The following MAOA variants were observed in gnomAD, a reference collection of about 807,000 sequenced individuals.
The protein encoded by MAOA is monoamine oxidase A.
A neutral mutation model predicts 42.0 loss-of-function variants in MAOA; 6 were observed. The ratio of observed to expected loss-of-function variants is 0.14; its 90% CI spans 0.08 to 0.28. The LOEUF (loss-of-function observed/expected upper bound fraction) is 0.28. Among genes scored for constraint, MAOA ranks in the 10% least tolerant of loss-of-function variants. The probability of loss-of-function intolerance (pLI) is 1.00; values close to 1 mark genes in which losing one functional copy is unlikely to be tolerated. For synonymous variants in MAOA, 140 were observed against 154.0 expected (o/e 0.91, Z 0.67); for missense variants, 262 against 422.3 (o/e 0.62, Z 3.33).
intron 5 of MAOA, among the ~76,000 whole-genome samples, chrX:43,726,380 C>T (rs1259005111): frequency 8.9e-6 from 1 of 111,741 alleles, no homozygotes; most frequent in Non-Finnish European, 1.9e-5. Context: ...TCTTTTCACT[C>T]TTTTTTCTCT....
intron 5 of MAOA, among the ~76,000 whole-genome samples, chrX:43,718,259 A>T (rs756040634): frequency 1.9e-5 from 2 of 105,164 alleles, no homozygotes; most frequent in East Asian, 6.3e-4. Flanking sequence ...GTTTAGAGAG[A>T]TGGTGTCTTC....
intron 10 of MAOA, among the ~76,000 whole-genome samples, 172 bp downstream of exon 10, chrX:43,736,452 C>T (rs745969094): frequency 5.8e-4 from 65 of 111,502 alleles, no homozygotes; most frequent in Non-Finnish European, 1.1e-3. Flanking sequence ...AGCCCTTGCC[C>T]GTGTGCATAT....
intron 3 of MAOA, among the ~76,000 whole-genome samples, chrX:43,699,622 G>A (rs1038473499): frequency 9.0e-6 from 1 of 111,371 alleles, no homozygotes; most frequent in African/African-American, 3.3e-5. Flanking sequence ...CATAGGCTTT[G>A]CTGACAGTAA....
intron 1 of MAOA, among the ~76,000 whole-genome samples, chrX:43,681,343 A>G (rs1283527754): frequency 9.0e-6 from 1 of 111,130 alleles, no homozygotes; most frequent in Non-Finnish European, 1.9e-5. Flanking sequence ...TATATCTAGG[A>G]CTACAGGGTT....
chrX:43,660,644 T>G (rs1418586559), intron 1 of MAOA, among the ~76,000 whole-genome samples: 1 of 112,144 alleles, frequency 8.9e-6, no homozygotes, highest in Non-Finnish European at 1.9e-5. Context: ...TGGCTGAAGA[T>G]CCTTTCCTTG....
In MAOA at chrX:43,712,745, A is replaced by C; in HGVS notation, c.452A>C (p.Lys151Thr). The C allele has an allele frequency of 1.7e-6, 2 of 1,209,912 alleles. No homozygotes were observed. The highest frequency in any genetic ancestry group is 1.1e-6 in the Non-Finnish European group (1 of 893,904). ...DAPWEAQHADKWDKMTMKELI... is the reference protein window; with the variant it reads ...DAPWEAQHADTWDKMTMKELI... ...CCCTGGGAGGCTCAACATGCTGACA[A>C]ATGGGACAAAATGACCATGAAAGAG... is the stretch of plus-strand genomic sequence containing the variant. The change falls in exon 5 of 15, where the codon AAA becomes ACA. Residue 151 changes from lysine to threonine, a missense_variant. This residue lies in a region of MAOA where 141 missense variants were observed against 195.6 expected (regional missense o/e 0.72). Transcript: ENST00000338702.
chrX:43,703,685 A>C (rs1024800920), intron 3 of MAOA, among the ~76,000 whole-genome samples: 1 of 111,910 alleles, frequency 8.9e-6, no homozygotes, highest in Non-Finnish European at 1.9e-5. Context: ...ACTTTGCAAA[A>C]ACAGGGCATT....
chrX:43,659,848 C>T (rs1186795849), intron 1 of MAOA, among the ~76,000 whole-genome samples: 2 of 111,198 alleles, frequency 1.8e-5, no homozygotes, highest in Non-Finnish European at 3.8e-5. Flanking sequence ...CCTTCTCACT[C>T]TTCTTTGGGG....
intron 5 of MAOA, among the ~76,000 whole-genome samples, chrX:43,715,979 A>G (rs1217514832): frequency 9.2e-6 from 1 of 108,879 alleles, no homozygotes; most frequent in Non-Finnish European, 1.9e-5. Context: ...TGGCGGGGGA[A>G]GATGGGTGGT....
At chrX:43,676,913 T>C (rs2033402962) in intron 1 of MAOA, among the ~76,000 whole-genome samples, 1 of 110,562 alleles carries the variant, frequency 9.0e-6, no homozygotes, top group South Asian at 3.8e-4. Context: ...CTGGGCATTT[T>C]TTATGAGGAG....
intron 3 of MAOA, among the ~76,000 whole-genome samples, chrX:43,705,351 C>G (rs2033651759): frequency 8.9e-6 from 1 of 111,916 alleles, no homozygotes; most frequent in Non-Finnish European, 1.9e-5. Context: ...TCAAGGGTAG[C>G]AAGACAACTC....
chrX:43,739,900 T>C (rs1292267647), intron 10 of MAOA, among the ~76,000 whole-genome samples: 2 of 112,529 alleles, frequency 1.8e-5, no homozygotes, highest in African/African-American at 6.5e-5. Context: ...AATTAGACTT[T>C]TAAAAAAATT....
intron 10 of MAOA, among the ~76,000 whole-genome samples, chrX:43,736,983 C>T (rs932084694): frequency 1.8e-5 from 2 of 111,524 alleles, no homozygotes; most frequent in Admixed American, 1.9e-4. Context: ...AGACTTTTCT[C>T]TGAATGTAAT....
intron 1 of MAOA, among the ~76,000 whole-genome samples, chrX:43,681,451 A>G (rs2033441645): frequency 9.0e-6 from 1 of 111,394 alleles, no homozygotes; most frequent in Non-Finnish European, 1.9e-5. Context: ...CACTTGTTTT[A>G]TCACATACTA....
chrX:43,684,937 G>A (rs1230778854), intron 2 of MAOA, among the ~76,000 whole-genome samples: 1 of 96,628 alleles, frequency 1.0e-5, no homozygotes, highest in African/African-American at 3.9e-5. Flanking sequence ...GAGTGCAATG[G>A]TGCGATCTTG....
At chrX:43,689,058 CA>C (rs1460369929) in intron 2 of MAOA, among the ~76,000 whole-genome samples, 2 of 109,721 alleles carry the variant, frequency 1.8e-5, no homozygotes, top group African/African-American at 3.3e-5. Flanking sequence ...ATTTTAGATT[CA>C]GGGGGTACAG....
intron 1 of MAOA, among the ~76,000 whole-genome samples, chrX:43,681,281 AT>A (rs1175958139): frequency 1.1e-4 from 12 of 110,580 alleles, no homozygotes; most frequent in East Asian, 5.7e-4. Flanking sequence ...ACTAAGAAAT[AT>A]TTTTTTTTAA....
At chrX:43,686,386 T>C (rs2033487483) in intron 2 of MAOA, among the ~76,000 whole-genome samples, 1 of 112,453 alleles carries the variant, frequency 8.9e-6, no homozygotes, top group Non-Finnish European at 1.9e-5. Flanking sequence ...TTATTGTCTA[T>C]TCAGCATGAC....
chrX:43,703,881 G>A (rs1364934336), intron 3 of MAOA, among the ~76,000 whole-genome samples: 1 of 111,441 alleles, frequency 9.0e-6, no homozygotes. Flanking sequence ...AAAGATCAGA[G>A]TAAGAGATGC....
Sources: gnomAD v4.1 joint callset for allele counts (sites outside exome capture counted in the v4.1 genomes callset) on GRCh38, gnomAD v4.1.1 for gene constraint, gnomAD v4.1.1 regional missense constraint, MANE v1.5 for transcripts, NCBI Gene and HGNC (gene_info 2026-07-23, HGNC 2026-07-21) for gene names.